Variants in RAI1 observed in about 807,000 individuals in gnomAD.
The protein encoded by RAI1 is retinoic acid-induced protein 1.
In RAI1, 9 loss-of-function variants were observed where a neutral mutation model predicts 123.8. That is an observed-to-expected ratio of 0.07 (90% CI 0.04 to 0.13). The LOEUF is 0.13. Ranked by LOEUF, RAI1 falls within the 10% of genes least tolerant of loss-of-function variation. The pLI, the probability that RAI1 is intolerant of heterozygous loss-of-function variation, is 1.00. For synonymous variants in RAI1, 1,231 were observed against 1,127.3 expected (o/e 1.09, Z -1.84); for missense variants, 2,256 against 2,545.8 (o/e 0.89, Z 2.45).
chr17:17,739,091 G>A (rs1340501661), intron 2 of RAI1, among the ~76,000 whole-genome samples: 1 of 152,184 alleles, frequency 6.6e-6, no homozygotes, highest in African/African-American at 2.4e-5. Flanking sequence ...GGGAGACAGA[G>A]GCAATTCAAA....
At chr17:17,807,343 G>A (rs1368535164) in intron 4 of RAI1, among the ~76,000 whole-genome samples, 1 of 152,166 alleles carries the variant, frequency 6.6e-6, no homozygotes, top group African/African-American at 2.4e-5. Flanking sequence ...CCAGGCCTCT[G>A]TGTCAGGCAC....
chr17:17,749,358 C>G (rs1397717605), intron 2 of RAI1, among the ~76,000 whole-genome samples: 1 of 152,182 alleles, frequency 6.6e-6, no homozygotes, highest in African/African-American at 2.4e-5. Context: ...GCTCTGCTCA[C>G]CTCCTAGCCG....
At chr17:17,808,786 A>G (rs2032648750) in intron 4 of RAI1, among the ~76,000 whole-genome samples, 1 of 152,174 alleles carries the variant, frequency 6.6e-6, no homozygotes, top group Non-Finnish European at 1.5e-5. Context: ...TCTCCATGAT[A>G]GGCATACAGT....
intron 2 of RAI1, among the ~76,000 whole-genome samples, chr17:17,789,783 C>T (rs1410164211): frequency 6.6e-6 from 1 of 152,166 alleles, no homozygotes; most frequent in Non-Finnish European, 1.5e-5. Flanking sequence ...AAGGCCTGGA[C>T]CAAGTGTCTG....
At chr17:17,758,041 G>A (rs1269962140) in intron 2 of RAI1, among the ~76,000 whole-genome samples, 1 of 152,206 alleles carries the variant, frequency 6.6e-6, no homozygotes, top group East Asian at 1.9e-4. Flanking sequence ...CCTTTCCAGA[G>A]ACATTATAAA....
In RAI1 at chr17:17,809,849, C is replaced by A; in HGVS notation, c.5710-121C>A. ...GTGCCGACGGCCTCGGGCGGAGACC[C>A]CAGCCGCGCTCTGGGGTCGCCTGGG... On this transcript the variant is annotated intron_variant, in intron 5 of 5. Transcript: ENST00000353383. This position sits in a 1 kb window ranked among gnomAD's most constrained non-coding sequence, Gnocchi z 4.9. The A allele has an allele frequency of 7.0e-7, 1 of 1,436,812 alleles. No homozygotes were observed. The highest frequency in any genetic ancestry group is 1.2e-5 in the South Asian group (1 of 81,116). 89.0% of individuals were successfully genotyped at this position (1,436,812 alleles called of 1,614,324 possible). A position where few individuals can be genotyped will look rare whatever the true frequency, so the allele number is the denominator to read the frequency against.
intron 2 of RAI1, among the ~76,000 whole-genome samples, chr17:17,788,839 C>T (rs2031918969): frequency 6.6e-6 from 1 of 152,182 alleles, no homozygotes; most frequent in South Asian, 2.1e-4. Flanking sequence ...GCAGCTCTGG[C>T]CTACACTGTG....
chr17:17,778,711 G>A (rs528277362), intron 2 of RAI1: 69 of 456,680 alleles, frequency 1.5e-4, no homozygotes, highest in Non-Finnish European at 2.4e-4. Context: ...CTCCCTTTCC[G>A]GAGCAGAGGC....
intron 2 of RAI1, among the ~76,000 whole-genome samples, chr17:17,730,372 CG>C (rs1916230805): frequency 6.6e-6 from 1 of 152,238 alleles, no homozygotes; most frequent in Admixed American, 6.5e-5. Context: ...CCCTAGGCCC[CG>C]CAGGGCCGGG....
rs2032669771 is a variant in RAI1, at chr17:17,809,609, A to G, written c.5709+170A>G. 6.6e-6 allele frequency among the ~76,000 whole-genome samples: 1 copy of G among 151,762 alleles called. No individual in the cohort carries two copies. Among genetic ancestry groups the G allele is most frequent in the East Asian group, 2.0e-4 (1 of 5,120 alleles). On this transcript the variant is annotated intron_variant, in intron 5 of 5. Coordinates refer to ENST00000353383, the MANE Select transcript of RAI1 (RefSeq NM_030665.4). This position sits in a 1 kb window ranked among gnomAD's most constrained non-coding sequence, Gnocchi z 4.9. ...CCCCCAGGAGCCCCCGCCGCCGTCC[A>G]GCTCAGGTCCCTGTCCACTTGCGCG...
At position 17,809,115 on chromosome 17, in the gene RAI1, C is replaced by T. The variant is rs529654361; in HGVS notation, c.5660-275C>T. ...GGAGGGAGGGACTGAGGGACTGCCTCAAGTGAGGAGGGGCGGCACGTGGAA... is the reference window on the plus strand; with the variant it reads ...GGAGGGAGGGACTGAGGGACTGCCTTAAGTGAGGAGGGGCGGCACGTGGAA... On this transcript the variant is annotated intron_variant, in intron 4 of 5. Coordinates refer to ENST00000353383, the MANE Select transcript of RAI1 (RefSeq NM_030665.4). The surrounding 1 kb of genome is among the most constrained non-coding windows in gnomAD (Gnocchi z 4.9). 2.1e-4 allele frequency: 114 copies of T among 541,696 alleles called. No individual in the cohort carries two copies. Among genetic ancestry groups the T allele is most frequent in the Non-Finnish European group, 2.9e-4 (85 of 297,694 alleles). The allele number at this position is 541,696 out of a possible 1,614,324, so 33.6% of individuals were successfully genotyped here. A position where few individuals can be genotyped will look rare whatever the true frequency, so the allele number is the denominator to read the frequency against.
At position 17,811,403 on chromosome 17, in the gene RAI1, GAAAA is replaced by G. The variant is rs34061744; in HGVS notation, c.*1437_*1440del. On this transcript the variant is annotated 3_prime_UTR_variant, in exon 6 of 6. Coordinates refer to ENST00000353383, the MANE Select transcript of RAI1 (RefSeq NM_030665.4). ...GAGTAAAAAACAGTCATTGCATTCA[GAAAA>G]AAAAAAAAAAAAAAGTCAATAAAGA... is the stretch of plus-strand genomic sequence containing the variant. The G allele has an allele frequency of 1.7e-3, 283 of 163,306 alleles. No homozygotes were observed. The highest frequency in any genetic ancestry group is 4.2e-3 in the South Asian group (50 of 11,906). 10.1% of individuals were successfully genotyped at this position (163,306 alleles called of 1,614,324 possible). A position where few individuals can be genotyped will look rare whatever the true frequency, so the allele number is the denominator to read the frequency against.
At chr17:17,756,819 A>AGG (rs1004582197) in intron 2 of RAI1, among the ~76,000 whole-genome samples, 5 of 152,270 alleles carry the variant, frequency 3.3e-5, no homozygotes, top group Admixed American at 2.0e-4. Flanking sequence ...GGGGAGGAAG[A>AGG]GGGGCTTCTG....
chr17:17,804,840 T>TTTTATTTA (rs575206893), intron 4 of RAI1, among the ~76,000 whole-genome samples: 3,827 of 149,416 alleles, frequency 0.026, 138 homozygotes, highest in African/African-American at 0.084. Context: ...GTGTTTTTAT[T>TTTTATTTA]TTTATTTATT....
chr17:17,784,923 C>T (rs1319125719), intron 2 of RAI1, among the ~76,000 whole-genome samples: 2 of 152,172 alleles, frequency 1.3e-5, no homozygotes, highest in African/African-American at 4.8e-5. Flanking sequence ...CCCACCCAGG[C>T]TGCTGCTTAC....
chr17:17,804,189 G>A (rs149989526), intron 4 of RAI1: 6 of 380,522 alleles, frequency 1.6e-5, no homozygotes, highest in Admixed American at 7.6e-5. Flanking sequence ...GGTATTGGAG[G>A]TTGGGCCTTT....
chr17:17,793,726 G>A lies in RAI1; in HGVS notation c.778G>A (p.Gly260Arg), dbSNP rs933121373. ...PLTASSSLAP[G>R]QRVQNLHAYQ... ...GACTGCCAGCTCCAGCCTGGCCCCG[G>A]GGCAGCGGGTCCAGAATCTTCATGC... Residue 260 changes from glycine (G) to arginine (R), a missense_variant, in exon 3 of 6, where the codon GGG becomes AGG. Physicochemically the swap from Gly to Arg is moderately radical, Grantham distance 125. This residue lies in a region of RAI1 where 336 missense variants were observed against 349.8 expected (regional missense o/e 0.96). Transcript: ENST00000353383. 1 of 1,612,898 alleles carries A rather than the reference G, an allele frequency of 6.2e-7. No individual in the cohort carries two copies. The highest frequency in any genetic ancestry group is 8.5e-7 in the Non-Finnish European group (1 of 1,180,018).
intron 1 of RAI1, among the ~76,000 whole-genome samples, chr17:17,715,339 C>T (rs1001259214): frequency 6.6e-6 from 1 of 152,234 alleles, no homozygotes; most frequent in African/African-American, 2.4e-5. Flanking sequence ...TGGGCTCCAC[C>T]CAGGCCCATG....
chr17:17,716,543 T>C (rs990263936), intron 1 of RAI1, among the ~76,000 whole-genome samples: 3 of 152,204 alleles, frequency 2.0e-5, no homozygotes, highest in Admixed American at 6.5e-5. Context: ...TACGTGTGTG[T>C]GTACACGTGT....
Sources: gnomAD v4.1 joint callset for allele counts (sites outside exome capture counted in the v4.1 genomes callset) on GRCh38, gnomAD v4.1.1 for gene constraint, gnomAD v4.1.1 regional missense constraint, Gnocchi (gnomAD v3.1) non-coding constraint, MANE v1.5 for transcripts, NCBI Gene and HGNC (gene_info 2026-07-23, HGNC 2026-07-21) for gene names.